PCDH15: variants seen among roughly 807,000 people sequenced by gnomAD.
PCDH15 encodes protocadherin-15.
Under a neutral mutation model 178.5 loss-of-function variants are expected in PCDH15, and 129 were observed. That is an observed-to-expected ratio of 0.72 (90% CI 0.63 to 0.84). PCDH15 has a LOEUF of 0.84. Ranked by LOEUF, PCDH15 falls within the 40% of genes least tolerant of loss-of-function variation. The probability of loss-of-function intolerance (pLI) is 0.00; values close to 1 mark genes in which losing one functional copy is unlikely to be tolerated. For synonymous variants in PCDH15, 800 were observed against 732.0 expected (o/e 1.09, Z -1.50); for missense variants, 2,230 against 2,099.9 (o/e 1.06, Z -1.21).
chr10:54,971,334 T>C (rs1037497015), intron 2 of PCDH15, among the ~76,000 whole-genome samples: 1 of 152,102 alleles, frequency 6.6e-6, no homozygotes, highest in African/African-American at 2.4e-5. Context: ...CCTTTTGTCC[T>C]TCCATCCCTT....
intron 26 of PCDH15, among the ~76,000 whole-genome samples, chr10:53,877,647 C>T (rs1344081560): frequency 1.3e-5 from 2 of 152,134 alleles, no homozygotes; most frequent in Non-Finnish European, 2.9e-5. Context: ...ACCTTGCTGT[C>T]CCTCTTCTGA....
At chr10:53,830,716 C>G (rs912156881) in intron 30 of PCDH15, among the ~76,000 whole-genome samples, 1 of 152,010 alleles carries the variant, frequency 6.6e-6, no homozygotes, top group African/African-American at 2.4e-5. Context: ...ACTGCAGGAA[C>G]CAGAAAAATT....
intron 2 of PCDH15, among the ~76,000 whole-genome samples, chr10:55,055,031 T>C (rs1841262875): frequency 6.6e-6 from 1 of 152,200 alleles, no homozygotes; most frequent in African/African-American, 2.4e-5. Flanking sequence ...TACATCCCAT[T>C]TGTCAATTTT....
At chr10:55,480,928 T>C (rs1243361255) in intron 2 of PCDH15, among the ~76,000 whole-genome samples, 1 of 151,792 alleles carries the variant, frequency 6.6e-6, no homozygotes, top group Admixed American at 6.6e-5. Flanking sequence ...ATCTTCTTAG[T>C]ACACCTGGTA....
chr10:54,805,052 A>T (rs1370518146), upstream of PCDH15, among the ~76,000 whole-genome samples: 1 of 149,088 alleles, frequency 6.7e-6, no homozygotes, highest in African/African-American at 2.5e-5. Context: ...TTAACTAAAT[A>T]TAATATTTCT....
chr10:55,067,975 T>C (rs2132007969), intron 2 of PCDH15, among the ~76,000 whole-genome samples: 1 of 152,176 alleles, frequency 6.6e-6, no homozygotes, highest in Admixed American at 6.6e-5. Context: ...ATTTCTTGTA[T>C]ATTCTGAATA....
chr10:54,240,872 T>C (rs1267303024), intron 8 of PCDH15, among the ~76,000 whole-genome samples: 2 of 151,916 alleles, frequency 1.3e-5, no homozygotes, highest in Admixed American at 6.6e-5. Context: ...ACCTCGTGAT[T>C]CACCCGCCTT....
intron 2 of PCDH15, among the ~76,000 whole-genome samples, chr10:54,593,372 T>C (rs1393291881): frequency 1.3e-5 from 2 of 152,164 alleles, no homozygotes; most frequent in African/African-American, 4.8e-5. Flanking sequence ...TAAGAGCTTA[T>C]CTTCATTTTT....
chr10:54,797,804 A>AG (rs764831360), intron 1 of PCDH15, among the ~76,000 whole-genome samples: 4 of 151,700 alleles, frequency 2.6e-5, no homozygotes, highest in African/African-American at 7.3e-5. Flanking sequence ...ATGTGTGGGC[A>AG]GGGGGGGAGC....
chr10:54,880,452 T>C (rs1027784434), intron 3 of PCDH15, among the ~76,000 whole-genome samples: 39 of 152,200 alleles, frequency 2.6e-4, no homozygotes, highest in South Asian at 2.5e-3. Context: ...CCATTCCTGA[T>C]GGAGAAATTT....
chr10:54,835,597 C>T (rs891576936), intron 3 of PCDH15, among the ~76,000 whole-genome samples: 2 of 152,086 alleles, frequency 1.3e-5, no homozygotes, highest in African/African-American at 2.4e-5. Flanking sequence ...AACCAACATG[C>T]ACATTCCAAA....
intron 2 of PCDH15, among the ~76,000 whole-genome samples, chr10:55,043,927 A>G (rs192754125): frequency 6.6e-6 from 1 of 152,114 alleles, no homozygotes; most frequent in East Asian, 1.9e-4. Flanking sequence ...CAGACAAGAT[A>G]CATCAAAGAT....
chr10:54,937,786 A>G (rs1837944246), intron 2 of PCDH15, among the ~76,000 whole-genome samples: 1 of 152,076 alleles, frequency 6.6e-6, no homozygotes. Context: ...CTGCAAAATT[A>G]TGTCATCTTC....
At chr10:54,134,948 T>C (rs2042776090) in intron 14 of PCDH15, among the ~76,000 whole-genome samples, 1 of 151,750 alleles carries the variant, frequency 6.6e-6, no homozygotes. Flanking sequence ...GGCTCATGCC[T>C]GTAATCTTAG....
chr10:55,266,269 G>A (rs542263244), intron 1 of PCDH15, among the ~76,000 whole-genome samples: 1 of 152,128 alleles, frequency 6.6e-6, no homozygotes, highest in South Asian at 2.1e-4. Context: ...AGCCTTGGAT[G>A]ATAGCTCCTG....
intron 2 of PCDH15, among the ~76,000 whole-genome samples, chr10:55,407,958 C>T (rs1210187314): frequency 6.6e-6 from 1 of 152,026 alleles, no homozygotes; most frequent in African/African-American, 2.4e-5. Context: ...TGGAGGAGAA[C>T]ATGTAAGCTG....
intron 18 of PCDH15, among the ~76,000 whole-genome samples, chr10:54,036,909 C>T (rs1049612433): frequency 1.3e-5 from 2 of 151,772 alleles, no homozygotes; most frequent in Non-Finnish European, 2.9e-5. Flanking sequence ...AAAATATCAA[C>T]ATTAATAGAA....
At position 54,183,210 on chromosome 10, in the gene PCDH15, A is replaced by T. The variant is rs944795629; in HGVS notation, c.1590+234T>A. 2.6e-5 allele frequency among the ~76,000 whole-genome samples: 4 copies of T among 152,194 alleles called. No individual in the cohort carries two copies. The East Asian group carries it at 7.7e-4, about 29-fold the overall frequency. On this transcript the variant is annotated intron_variant, in intron 13 of 37. Coordinates refer to ENST00000644397, the MANE Select transcript of PCDH15 (RefSeq NM_001384140.1). ...GGTCTCGAACTCCCGACCTCAGGTG[A>T]TCCACTTGCCTTGGCTTCCCAAAGT...
chr10:54,618,666 G>T (rs758889831), intron 2 of PCDH15, among the ~76,000 whole-genome samples: 1 of 152,052 alleles, frequency 6.6e-6, no homozygotes, highest in Non-Finnish European at 1.5e-5. Context: ...TTGAGTGTGT[G>T]TATATATGCG....
Sources: allele counts gnomAD v4.1 joint callset (sites outside exome capture counted in the v4.1 genomes callset), GRCh38; gene constraint gnomAD v4.1.1; transcripts MANE v1.5; gene names NCBI Gene and HGNC (gene_info 2026-07-23, HGNC 2026-07-21).